Variants in CEP128 observed in about 807,000 individuals in gnomAD.
CEP128 encodes the protein centrosomal protein 128kDa.
Under a neutral mutation model 156.7 loss-of-function variants are expected in CEP128, and 132 were observed. That is an observed-to-expected ratio of 0.84 (90% CI 0.73 to 0.97). The LOEUF is 0.97. CEP128 is among the 50% of genes least tolerant of loss of function. The probability of loss-of-function intolerance (pLI) is 0.00; values close to 1 mark genes in which losing one functional copy is unlikely to be tolerated. For synonymous variants in CEP128, 469 were observed against 448.9 expected, an observed-to-expected ratio of 1.04 and a Z score of -0.57; for missense variants, 1,252 against 1,281.9, an observed-to-expected ratio of 0.98 and a Z score of 0.36.
At chr14:80,526,253 A>C (rs1566757596) in intron 23 of CEP128, among the ~76,000 whole-genome samples, 1 of 152,160 alleles carries the variant, frequency 6.6e-6, no homozygotes, top group Non-Finnish European at 1.5e-5. Context: ...AAGAATGCCA[A>C]GGCTGAGAAA....
rs183495485 is a variant in CEP128 at position 80,862,838 on chromosome 14, C to T, written c.681G>A (p.Leu227=). 2.0e-4 allele frequency: 328 copies of T among 1,613,994 alleles called. 5 individuals carry two copies. In the Middle Eastern group the frequency reaches 0.011, roughly 54 times the overall value. The part of the protein sequence containing the change: ...SDRVERRLQE[L]EREMRTEREL... ...CCCTTTCTGTGCGCATCTCTCTCTC[C>T]AGTTCCTGAAGCCGCCGCTCCACCC... is the stretch of plus-strand genomic sequence containing the variant. Residue 227 remains leucine (L), a synonymous_variant, in exon 9 of 25, where the codon CTG becomes CTA. Transcript: ENST00000555265.
intron 19 of CEP128, among the ~76,000 whole-genome samples, chr14:80,679,661 A>G (rs543839822): frequency 1.3e-5 from 2 of 152,218 alleles, no homozygotes; most frequent in Admixed American, 1.3e-4. Context: ...TTTGCCTTTT[A>G]CCTTATGATC....
In CEP128 at chr14:80,900,886, C is replaced by A. The variant is rs187245540; in HGVS notation, c.481-857G>T. On this transcript the variant is annotated intron_variant, in intron 6 of 24. Coordinates refer to ENST00000555265, the MANE Select transcript of CEP128 (RefSeq NM_152446.5). Reference sequence around the variant, plus strand: ...ATGTATGAAGTCAGGACAGTGGATACCCCTTGGGAAAAGATGGAGTATAAA... The same window carrying A: ...ATGTATGAAGTCAGGACAGTGGATAACCCTTGGGAAAAGATGGAGTATAAA... Among the ~76,000 whole-genome samples the A allele has an allele frequency of 1.1e-4, 16 of 152,238 alleles. No individual in the cohort carries two copies. The East Asian group carries it at 2.3e-3, about 22-fold the overall frequency.
chr14:80,596,225 T>C (rs1398110262), intron 19 of CEP128, among the ~76,000 whole-genome samples: 1 of 152,166 alleles, frequency 6.6e-6, no homozygotes, highest in Non-Finnish European at 1.5e-5. Flanking sequence ...CCCGATGTTA[T>C]GCTATCTACA....
chr14:80,832,567 C>G (rs768609544), intron 12 of CEP128, among the ~76,000 whole-genome samples: 6 of 152,112 alleles, frequency 3.9e-5, no homozygotes, highest in Non-Finnish European at 8.8e-5. Context: ...GTGGATTATA[C>G]AGAAACAGTA....
At chr14:80,599,467 G>A (rs939259691) in intron 19 of CEP128, among the ~76,000 whole-genome samples, 2 of 151,520 alleles carry the variant, frequency 1.3e-5, no homozygotes, top group Non-Finnish European at 2.9e-5. Context: ...AGTAGAGACG[G>A]GGTTTCACCA....
chr14:80,934,253 A>T (rs1046886604), intron 2 of CEP128, among the ~76,000 whole-genome samples: 4 of 152,252 alleles, frequency 2.6e-5, no homozygotes, highest in African/African-American at 9.6e-5. Context: ...TGGCACAGCC[A>T]ATTTTAAGGG....
At chr14:80,864,153 GCTTA>G (rs1179357276) in intron 8 of CEP128, among the ~76,000 whole-genome samples, 2 of 152,020 alleles carry the variant, frequency 1.3e-5, no homozygotes, top group African/African-American at 4.8e-5. Flanking sequence ...GTTTCCTTTA[GCTTA>G]CTTTATTATA....
At chr14:80,614,401 C>T (rs1893128354) in intron 19 of CEP128, among the ~76,000 whole-genome samples, 2 of 152,204 alleles carry the variant, frequency 1.3e-5, no homozygotes, top group South Asian at 4.1e-4. Flanking sequence ...TGTGACAACA[C>T]TCTCTAGAAG....
intron 20 of CEP128, among the ~76,000 whole-genome samples, chr14:80,563,956 C>A (rs1462661440): frequency 6.6e-6 from 1 of 151,992 alleles, no homozygotes; most frequent in African/African-American, 2.4e-5. Flanking sequence ...AGATACATAA[C>A]CTCAGTAACA....
chr14:80,640,786 T>C (rs922110524), intron 19 of CEP128, among the ~76,000 whole-genome samples: 1 of 152,222 alleles, frequency 6.6e-6, no homozygotes, highest in Non-Finnish European at 1.5e-5. Flanking sequence ...TTGCTGATTT[T>C]ACGATCAAAA....
chr14:80,866,364 A>G (rs1016614701), intron 8 of CEP128, among the ~76,000 whole-genome samples: 3 of 152,004 alleles, frequency 2.0e-5, no homozygotes, highest in South Asian at 4.1e-4. Context: ...ACACCAGTAG[A>G]CCCTCGTGCC....
At chr14:80,623,548 G>A (rs892689314) in intron 19 of CEP128, among the ~76,000 whole-genome samples, 2 of 150,866 alleles carry the variant, frequency 1.3e-5, no homozygotes, top group Non-Finnish European at 3.0e-5. Flanking sequence ...ATCAGCTCTG[G>A]TCAGAAATAT....
chr14:80,804,824 A>C (rs1884080123), intron 13 of CEP128, among the ~76,000 whole-genome samples: 1 of 152,160 alleles, frequency 6.6e-6, no homozygotes, highest in Non-Finnish European at 1.5e-5. Context: ...TCTTCAAAGA[A>C]ATTGTATATT....
intron 18 of CEP128, among the ~76,000 whole-genome samples, chr14:80,747,611 A>G (rs545878664): frequency 7.9e-5 from 12 of 152,332 alleles, no homozygotes; most frequent in African/African-American, 2.9e-4. Context: ...GTTCGAGACC[A>G]GCCTGACCAA....
chr14:80,750,692 T>C (rs1183232787), intron 18 of CEP128, among the ~76,000 whole-genome samples: 1 of 152,190 alleles, frequency 6.6e-6, no homozygotes, highest in Non-Finnish European at 1.5e-5. Context: ...TCCTAAGAGA[T>C]GGTAATGGAG....
chr14:80,538,603 T>C (rs1889594178), intron 21 of CEP128, among the ~76,000 whole-genome samples: 2 of 152,204 alleles, frequency 1.3e-5, no homozygotes, highest in African/African-American at 4.8e-5. Flanking sequence ...ACTCTGTCTA[T>C]CCTTCGATCC....
chr14:80,781,327 C>T (rs970784352), intron 15 of CEP128, among the ~76,000 whole-genome samples: 6 of 151,754 alleles, frequency 4.0e-5, no homozygotes, highest in Admixed American at 1.3e-4. Flanking sequence ...CGTGGTGGTG[C>T]GCACCTGTAG....
intron 8 of CEP128, among the ~76,000 whole-genome samples, chr14:80,893,646 A>T (rs1889210443): frequency 6.6e-6 from 1 of 152,040 alleles, no homozygotes; most frequent in South Asian, 2.1e-4. Flanking sequence ...ACAAAACAAA[A>T]AAAGTATAGT....
Sources: allele counts gnomAD v4.1 joint callset (sites outside exome capture counted in the v4.1 genomes callset), GRCh38; gene constraint gnomAD v4.1.1; transcripts MANE v1.5; gene names NCBI Gene and HGNC (gene_info 2026-07-23, HGNC 2026-07-21).